The following SYN3 variants were observed in gnomAD, a reference collection of about 807,000 sequenced individuals.
SYN3 encodes the protein synapsin III, also known as synapsin-3.
In SYN3, 35 loss-of-function variants were observed where a neutral mutation model predicts 65.8. The observed-to-expected ratio is 0.53, with a 90% CI of 0.41 to 0.70. SYN3 has a LOEUF of 0.70. SYN3 is among the 30% of genes least tolerant of loss of function. The probability of loss-of-function intolerance (pLI) is 0.00; values close to 1 mark genes in which losing one functional copy is unlikely to be tolerated. For missense variants in SYN3, 680 were observed against 749.0 expected, an observed-to-expected ratio of 0.91 and a Z score of 1.08; for synonymous variants, 270 against 292.9, an observed-to-expected ratio of 0.92 and a Z score of 0.80.
rs1286411370 is a variant in SYN3 at position 32,688,744 on chromosome 22, C to T, written c.712-92008G>A. On this transcript the variant is annotated intron_variant, in intron 6 of 13. Transcript: ENST00000358763. ...TTCCCTGCCTGGGGCTGTCCAGCCA[C>T]GCTTCTTGATTTTCTCGCTGGATGG... Among the ~76,000 whole-genome samples the T allele has an allele frequency of 4.0e-5, 6 of 151,772 alleles. No individual in the cohort carries two copies. The East Asian group carries it at 5.8e-4, about 15-fold the overall frequency.
At chr22:32,982,871 T>C (rs1032470070) in intron 2 of SYN3, among the ~76,000 whole-genome samples, 1 of 152,126 alleles carries the variant, frequency 6.6e-6, no homozygotes, top group Non-Finnish European at 1.5e-5. Context: ...CACCACGAAG[T>C]AGATATCATT....
intron 7 of SYN3, among the ~76,000 whole-genome samples, chr22:32,564,920 A>G (rs530297089): frequency 6.8e-6 from 1 of 146,680 alleles, no homozygotes; most frequent in African/African-American, 2.5e-5. Flanking sequence ...TTACACCCAA[A>G]CAGTGCTCCC....
At chr22:32,772,183 G>T (rs574894128) in intron 6 of SYN3, among the ~76,000 whole-genome samples, 6 of 152,118 alleles carry the variant, frequency 3.9e-5, no homozygotes, top group South Asian at 2.1e-4. Flanking sequence ...GGGCCACAGG[G>T]GGGGAGAAAA....
intron 6 of SYN3, among the ~76,000 whole-genome samples, chr22:32,639,481 CT>C (rs1324017876): frequency 6.6e-5 from 10 of 152,154 alleles, no homozygotes; most frequent in Admixed American, 2.0e-4. Context: ...CAGTACCATA[CT>C]GTTTTGGTTA....
chr22:32,660,355 T>G (rs4821083), intron 6 of SYN3, among the ~76,000 whole-genome samples: 2 of 152,140 alleles, frequency 1.3e-5, no homozygotes, highest in East Asian at 1.9e-4. Flanking sequence ...TCCAGGTCAG[T>G]GCGTCTCTGA....
chr22:32,589,978 G>C (rs1412862879), intron 7 of SYN3, among the ~76,000 whole-genome samples: 2 of 152,108 alleles, frequency 1.3e-5, no homozygotes, highest in African/African-American at 2.4e-5. Context: ...GATCCTAAGA[G>C]TGAATTACAT....
chr22:32,991,533 C>A (rs1302172578), intron 2 of SYN3, among the ~76,000 whole-genome samples: 2 of 152,134 alleles, frequency 1.3e-5, no homozygotes, highest in African/African-American at 4.8e-5. Context: ...CAACACAGTT[C>A]CCAGTGCTCC....
intron 4 of SYN3, among the ~76,000 whole-genome samples, chr22:32,922,010 G>A (rs1024642414): frequency 7.9e-5 from 12 of 152,124 alleles, no homozygotes; most frequent in East Asian, 3.9e-4. Flanking sequence ...TCATGAGTTC[G>A]TAACAACTAG....
chr22:32,597,954 T>C (rs1020257818), intron 6 of SYN3, among the ~76,000 whole-genome samples: 2 of 152,226 alleles, frequency 1.3e-5, no homozygotes, highest in African/African-American at 4.8e-5. Context: ...GCCTGAGCTT[T>C]GCTTTCCCCC....
intron 6 of SYN3, among the ~76,000 whole-genome samples, chr22:32,776,075 T>C (rs1007923915): frequency 3.9e-5 from 6 of 151,908 alleles, no homozygotes; most frequent in African/African-American, 1.5e-4. Flanking sequence ...GAGAGAGAGA[T>C]CTGGTGCCCT....
intron 6 of SYN3, chr22:32,849,376 G>C: frequency 6.2e-6 from 8 of 1,299,648 alleles, no homozygotes; most frequent in Non-Finnish European, 6.6e-6. Context: ...AGAGGCTAGC[G>C]TGCCCGCCCT....
chr22:32,779,392 G>A (rs925217611), intron 6 of SYN3, among the ~76,000 whole-genome samples: 13 of 152,170 alleles, frequency 8.5e-5, no homozygotes, highest in Non-Finnish European at 1.8e-4. Context: ...CCTGGGAGGC[G>A]GAGGTTGCAG....
Position 32,510,282 on chromosome 22 carries a change from C to G in SYN3, c.*3410G>C, listed in dbSNP as rs2057676550. Among the ~76,000 whole-genome samples the G allele has an allele frequency of 2.6e-5, 4 of 152,182 alleles. No individual in the cohort carries two copies. The highest frequency in any genetic ancestry group is 9.7e-5 in the African/African-American group (4 of 41,434). ...CAAAGTGGGGAGATTGACAAAGATG[C>G]AGGTTCTGGGTCCTGTGACCAGAAA... On this transcript the variant is annotated 3_prime_UTR_variant, in exon 14 of 14. Transcript: ENST00000358763.
intron 7 of SYN3, among the ~76,000 whole-genome samples, chr22:32,543,481 G>A (rs553000931): frequency 2.0e-5 from 3 of 152,168 alleles, no homozygotes; most frequent in Non-Finnish European, 2.9e-5. Context: ...GGCTCTCTGA[G>A]TGATGACTCC....
chr22:32,541,469 G>A, intron 8 of SYN3, 102 bp downstream of exon 8: 1 of 1,415,612 alleles, frequency 7.1e-7, no homozygotes, highest in Non-Finnish European at 9.8e-7. Flanking sequence ...AGACAGGAAG[G>A]AGGATAATGA....
At chr22:32,623,744 C>T (rs2059627175) in intron 6 of SYN3, among the ~76,000 whole-genome samples, 1 of 152,202 alleles carries the variant, frequency 6.6e-6, no homozygotes, top group African/African-American at 2.4e-5. Flanking sequence ...ACTCCATCTT[C>T]ATAGGACTTA....
chr22:32,901,611 G>A (rs1432617852), intron 4 of SYN3, among the ~76,000 whole-genome samples: 1 of 152,140 alleles, frequency 6.6e-6, no homozygotes, highest in Non-Finnish European at 1.5e-5. Flanking sequence ...CTTTCAATGT[G>A]CCTAATATGC....
At chr22:33,045,741 C>G (rs1220129924) in intron 1 of SYN3, among the ~76,000 whole-genome samples, 1 of 151,892 alleles carries the variant, frequency 6.6e-6, no homozygotes, top group Non-Finnish European at 1.5e-5. Flanking sequence ...GGCCTACTTT[C>G]AAAAAAGAAA....
chr22:32,589,010 G>A (rs867427110), intron 7 of SYN3, among the ~76,000 whole-genome samples: 33 of 152,134 alleles, frequency 2.2e-4, no homozygotes, highest in African/African-American at 7.2e-4. Context: ...TGAATAGCCC[G>A]CCTCTTAATT....
Sources: gnomAD v4.1 joint callset for allele counts (sites outside exome capture counted in the v4.1 genomes callset) on GRCh38, gnomAD v4.1.1 for gene constraint, MANE v1.5 for transcripts, NCBI Gene and HGNC (gene_info 2026-07-23, HGNC 2026-07-21) for gene names.